SBNO1: variants seen among roughly 807,000 people sequenced by gnomAD.
SBNO1 encodes the protein strawberry notch homolog 1.
Under a neutral mutation model 173.6 loss-of-function variants are expected in SBNO1, and 23 were observed. That is an observed-to-expected ratio of 0.13 (90% CI 0.10 to 0.19). The LOEUF is 0.19. Ranked by LOEUF, SBNO1 falls within the 10% of genes least tolerant of loss-of-function variation. The probability of loss-of-function intolerance (pLI) is 1.00; values close to 1 mark genes in which losing one functional copy is unlikely to be tolerated. For synonymous variants in SBNO1, 632 were observed against 571.5 expected (o/e 1.11, Z -1.51); for missense variants, 1,238 against 1,671.2 (o/e 0.74, Z 4.52).
Position 123,304,243 on chromosome 12 carries a change from C to T in SBNO1, c.3768+339G>A, listed in dbSNP as rs373143355. On this transcript the variant is annotated intron_variant, in intron 29 of 31. Coordinates refer to ENST00000602398, the MANE Select transcript of SBNO1 (RefSeq NM_001167856.3). ...ACTGTGCCCAGCTAAAGTAAGTATT[C>T]TTTTTTTTGAGACGAAGTTTCGCGC... Among the ~76,000 whole-genome samples the T allele has an allele frequency of 6.6e-5, 10 of 151,166 alleles. No homozygotes were observed. The South Asian group carries it at 1.0e-3, about 16-fold the overall frequency.
At chr12:123,362,078 T>C (rs2139115640) in intron 1 of SBNO1, among the ~76,000 whole-genome samples, 1 of 150,848 alleles carries the variant, frequency 6.6e-6, no homozygotes, top group African/African-American at 2.4e-5. Flanking sequence ...GGCAGAGGAA[T>C]GCAGTGAGCC....
chr12:123,303,287 T>C (rs1411996485), intron 29 of SBNO1, among the ~76,000 whole-genome samples: 1 of 152,204 alleles, frequency 6.6e-6, no homozygotes, highest in Non-Finnish European at 1.5e-5. Flanking sequence ...AGAAGGGCTT[T>C]AAACATTCTA....
At chr12:123,298,265 C>CTTT in intron 30 of SBNO1, 94 bp from the exon 31 acceptor site, 21 of 1,231,478 alleles carry the variant, frequency 1.7e-5, no homozygotes, top group East Asian at 3.0e-5. Context: ...AATTTCTTTT[C>CTTT]TTTTCTTTTT....
chr12:123,302,237 T>TG (rs1224226205), intron 30 of SBNO1, among the ~76,000 whole-genome samples: 49 of 132,698 alleles, frequency 3.7e-4, no homozygotes, highest in African/African-American at 1.3e-3. Flanking sequence ...CTGGCCTTAT[T>TG]GTTTTTTTTT....
At chr12:123,316,381 C>T (rs1263913932) in intron 21 of SBNO1, among the ~76,000 whole-genome samples, 2 of 152,086 alleles carry the variant, frequency 1.3e-5, no homozygotes, top group Non-Finnish European at 2.9e-5. Context: ...TGCACCACCA[C>T]GCCCGGCTAA....
intron 28 of SBNO1, 104 bp from the exon 29 acceptor site, chr12:123,304,823 C>A: frequency 1.3e-6 from 1 of 792,738 alleles, no homozygotes; most frequent in Non-Finnish European, 2.1e-6. Context: ...GACTATAACA[C>A]TAAGTAAGTA....
Position 123,320,584 on chromosome 12 carries a change from T to C in SBNO1, c.2515A>G (p.Ser839Gly), listed in dbSNP as rs747837610. 1 of 1,613,740 alleles carries C rather than the reference T, an allele frequency of 6.2e-7. No individual in the cohort carries two copies. The highest frequency in any genetic ancestry group is 8.5e-7 in the Non-Finnish European group (1 of 1,179,810). Residue 839 changes from serine to glycine, a missense_variant, in exon 19 of 32, where the codon AGT becomes GGT. Ser to Gly is a moderately conservative substitution (Grantham distance 56). This residue lies in a region of SBNO1 where 74 missense variants were observed against 68.5 expected (regional missense o/e 1.08). Coordinates refer to ENST00000602398, the MANE Select transcript of SBNO1 (RefSeq NM_001167856.3). ...GCATCCTGACTTGTTATAAGGCTAC[T>C]GTTACTGTTGGTGTTACTGTTAGCT... ...TPANSNTNSN[S>G]SLITSQDAVE...
Position 123,342,750 on chromosome 12 carries a change from C to T in SBNO1, c.551-1662G>A, listed in dbSNP as rs184267878. ...GGGTGGGAGGTATCCAGTCCAGAAC[C>T]CCTGGAACCAGCCTTCAGCCTCCAA... On this transcript the variant is annotated intron_variant, in intron 4 of 31. Transcript: ENST00000602398. 7.9e-5 allele frequency among the ~76,000 whole-genome samples: 12 copies of T among 151,196 alleles called. No individual in the cohort carries two copies. In the East Asian group the frequency reaches 1.7e-3, roughly 22 times the overall value.
chr12:123,330,599 T>A, intron 8 of SBNO1, 90 bp from the exon 9 acceptor site: 1 of 505,738 alleles, frequency 2.0e-6, no homozygotes. Flanking sequence ...TCTTGACACT[T>A]AAAAAAAAAA....
At chr12:123,338,947 G>T (rs1000129872) in intron 5 of SBNO1, among the ~76,000 whole-genome samples, 2 of 140,676 alleles carry the variant, frequency 1.4e-5, no homozygotes, top group Non-Finnish European at 3.0e-5. Flanking sequence ...TTGGTTGATG[G>T]GCTATCAGTT....
Position 123,295,862 on chromosome 12 carries a change from C to A in SBNO1, c.*46G>T. 2 of 1,598,484 alleles carry A rather than the reference C, an allele frequency of 1.3e-6. No homozygotes were observed. The highest frequency in any genetic ancestry group is 1.7e-6 in the Non-Finnish European group (2 of 1,170,286). ...CCCTGATTTTTATGCAAATGATATG[C>A]TTCAACAGCATTTCAGATCCATCCA... On this transcript the variant is annotated 3_prime_UTR_variant, in exon 32 of 32. Coordinates refer to ENST00000602398, the MANE Select transcript of SBNO1 (RefSeq NM_001167856.3).
chr12:123,319,824 A>G (rs1289943807), intron 20 of SBNO1, 76 bp downstream of exon 20: 1 of 1,337,970 alleles, frequency 7.5e-7, no homozygotes, highest in Non-Finnish European at 1.0e-6. Context: ...ATTAAAAGGA[A>G]AAAGACTCTT....
intron 2 of SBNO1, among the ~76,000 whole-genome samples, chr12:123,349,688 A>C (rs974497333): frequency 1.3e-5 from 2 of 152,112 alleles, no homozygotes; most frequent in Non-Finnish European, 2.9e-5. Context: ...AGGCTGAGGC[A>C]GGCAGATCAC....
At chr12:123,302,765 G>T in intron 30 of SBNO1, 59 bp downstream of exon 30, 2 of 972,202 alleles carry the variant, frequency 2.1e-6, no homozygotes, top group East Asian at 2.4e-5. Flanking sequence ...AAGAGTGAAG[G>T]TGTATTTAAA....
At position 123,348,101 on chromosome 12, in the gene SBNO1, C is replaced by T; in HGVS notation, c.165G>A (p.Leu55=). ...SVPLSALELG[L]ETEAAVPVKQ... The stretch of plus-strand genomic sequence containing the variant: ...TAACAGGAACTGCTGCTTCGGTCTC[C>T]AAACCTAGTTCTAATGCACTAAGTG... The change falls in exon 3 of 32, where the codon TTG becomes TTA. Residue 55 remains leucine, a synonymous_variant. Coordinates refer to ENST00000602398, the MANE Select transcript of SBNO1 (RefSeq NM_001167856.3). 1 of 1,611,548 alleles carries T rather than the reference C, an allele frequency of 6.2e-7. No homozygotes were observed. Among genetic ancestry groups the T allele is most frequent in the Non-Finnish European group, 8.5e-7 (1 of 1,178,026 alleles).
At chr12:123,355,936 T>C (rs192215300) in intron 1 of SBNO1, among the ~76,000 whole-genome samples, 118 of 151,946 alleles carry the variant, frequency 7.8e-4, no homozygotes, top group Non-Finnish European at 9.0e-4. Context: ...TGAGAAACAA[T>C]AGCCAACCAG....
intron 31 of SBNO1, among the ~76,000 whole-genome samples, chr12:123,297,301 G>C (rs1338993055): frequency 7.9e-6 from 1 of 126,348 alleles, no homozygotes; most frequent in African/African-American, 3.1e-5. Flanking sequence ...CTGCACTCCA[G>C]CCTGGGCGAC....
Position 123,310,554 on chromosome 12 carries a change from C to T in SBNO1, c.3295+501G>A, listed in dbSNP as rs191282326. 1.6e-4 allele frequency among the ~76,000 whole-genome samples: 23 copies of T among 141,652 alleles called. No homozygotes were observed. The South Asian group carries it at 2.7e-3, about 16-fold the overall frequency. 92.9% of individuals were successfully genotyped at this position (141,652 alleles called of 152,430 possible). Reference sequence around the variant, plus strand: ...ACCAATTTTTTTTTATTTTTTTAGACGGAGTCTTGCTCTATTGTCGCCGAA... The same window carrying T: ...ACCAATTTTTTTTTATTTTTTTAGATGGAGTCTTGCTCTATTGTCGCCGAA... On this transcript the variant is annotated intron_variant, in intron 25 of 31. Transcript: ENST00000602398.
chr12:123,324,705 A>G (rs1870406947), intron 15 of SBNO1, among the ~76,000 whole-genome samples: 1 of 152,208 alleles, frequency 6.6e-6, no homozygotes, highest in Non-Finnish European at 1.5e-5. Context: ...CCAGAGTTTG[A>G]ATGTGGAGGT....
Sources: allele counts gnomAD v4.1 joint callset (sites outside exome capture counted in the v4.1 genomes callset), GRCh38; gene constraint gnomAD v4.1.1; regional missense constraint gnomAD v4.1.1; transcripts MANE v1.5; gene names NCBI Gene and HGNC (gene_info 2026-07-23, HGNC 2026-07-21).